The following GABRB1 variants were observed in gnomAD, a reference collection of about 807,000 sequenced individuals.
The protein encoded by GABRB1 is gamma-aminobutyric acid receptor subunit beta-1.
GABRB1 carries 17 observed loss-of-function variants against 51.6 expected under a neutral mutation model. The ratio of observed to expected loss-of-function variants is 0.33; its 90% confidence interval spans 0.23 to 0.49. GABRB1 has a LOEUF of 0.49. Ranked by LOEUF, GABRB1 falls within the 20% of genes least tolerant of loss-of-function variation. GABRB1 has a pLI of 0.99. For synonymous variants in GABRB1, 247 were observed against 218.9 expected (o/e 1.13, Z -1.14); for missense variants, 410 against 600.6 (o/e 0.68, Z 3.32).
chr4:47,220,470 C>G (rs1407057779), intron 4 of GABRB1, among the ~76,000 whole-genome samples: 1 of 151,984 alleles, frequency 6.6e-6, no homozygotes, highest in Non-Finnish European at 1.5e-5. Context: ...ATAACTGTCT[C>G]TCTACAAATG....
At chr4:47,017,169 A>G (rs550042219) in intron 1 of GABRB1, among the ~76,000 whole-genome samples, 2 of 152,302 alleles carry the variant, frequency 1.3e-5, no homozygotes, top group South Asian at 2.1e-4. Flanking sequence ...GGCCTTCTCC[A>G]TGTTTTATAG....
chr4:47,092,456 A>G (rs915120499), intron 3 of GABRB1, among the ~76,000 whole-genome samples: 1 of 151,904 alleles, frequency 6.6e-6, no homozygotes, highest in African/African-American at 2.4e-5. Flanking sequence ...TACAGGCATC[A>G]GCCACTGCAC....
chr4:47,220,128 G>T (rs970238969), intron 4 of GABRB1, among the ~76,000 whole-genome samples: 1 of 151,772 alleles, frequency 6.6e-6, no homozygotes, highest in Non-Finnish European at 1.5e-5. Context: ...ACTTCAACTG[G>T]TTACCTTCTT....
chr4:47,241,814 T>A (rs1046312305), intron 4 of GABRB1, among the ~76,000 whole-genome samples: 3 of 152,200 alleles, frequency 2.0e-5, no homozygotes, highest in African/African-American at 7.2e-5. Context: ...GAATTTTAAA[T>A]CTAATATTCT....
At chr4:47,348,536 T>C (rs4399959) in intron 5 of GABRB1, among the ~76,000 whole-genome samples, 150,501 of 152,298 alleles carry the variant, frequency 0.99, 74,369 homozygotes, top group East Asian at 1. Context: ...AGGCTTGGGT[T>C]CCCTCCCCTA....
At chr4:47,387,391 G>T (rs1462782394) in intron 5 of GABRB1, among the ~76,000 whole-genome samples, 1 of 152,136 alleles carries the variant, frequency 6.6e-6, no homozygotes, top group Non-Finnish European at 1.5e-5. Flanking sequence ...AGAATCACTT[G>T]AACCTGGGAG....
chr4:47,203,421 T>G (rs550518703), intron 4 of GABRB1, among the ~76,000 whole-genome samples: 227 of 152,224 alleles, frequency 1.5e-3, no homozygotes, highest in Non-Finnish European at 2.4e-3. Flanking sequence ...ATTTCCCTTA[T>G]GTCAGGCAGA....
intron 5 of GABRB1, among the ~76,000 whole-genome samples, chr4:47,366,289 G>A (rs1018385449): frequency 7.9e-5 from 12 of 152,082 alleles, no homozygotes; most frequent in Admixed American, 7.9e-4. Flanking sequence ...AATCTCTGCC[G>A]GAAAATGTAT....
At chr4:47,040,059 A>T (rs1213345810) in intron 3 of GABRB1, among the ~76,000 whole-genome samples, 1 of 152,206 alleles carries the variant, frequency 6.6e-6, no homozygotes, top group African/African-American at 2.4e-5. Context: ...TGTCTTTTAT[A>T]TACCCCTTTG....
intron 4 of GABRB1, among the ~76,000 whole-genome samples, chr4:47,169,559 T>A (rs1032152734): frequency 6.6e-6 from 1 of 151,958 alleles, no homozygotes; most frequent in Non-Finnish European, 1.5e-5. Flanking sequence ...TGGAGTGCAA[T>A]GGCACAATCT....
At position 47,183,021 on chromosome 4, in the gene GABRB1, G is replaced by T. The variant is rs139117808; in HGVS notation, c.461+21552G>T. ...GATTTCTTGTGTATTTATTATTCTT[G>T]CAAGTAGACCAATGTTACTGTTACT... is the stretch of plus-strand genomic sequence containing the variant. On this transcript the variant is annotated intron_variant, in intron 4 of 8. Coordinates refer to ENST00000295454, the MANE Select transcript of GABRB1 (RefSeq NM_000812.4). Among the ~76,000 whole-genome samples, 7 of 151,842 alleles carry T rather than the reference G, an allele frequency of 4.6e-5. No homozygotes were observed. The East Asian group carries it at 1.2e-3, about 25-fold the overall frequency.
chr4:47,327,650 G>A (rs891107035), intron 5 of GABRB1, among the ~76,000 whole-genome samples: 12 of 152,100 alleles, frequency 7.9e-5, no homozygotes, highest in African/African-American at 2.2e-4. Context: ...AGTCCTTGTC[G>A]TATGTATTTA....
chr4:47,332,360 A>G (rs560821314), intron 5 of GABRB1, among the ~76,000 whole-genome samples: 2 of 152,210 alleles, frequency 1.3e-5, no homozygotes, highest in Non-Finnish European at 2.9e-5. Context: ...AACAGGCACT[A>G]TATTCAAAGT....
intron 4 of GABRB1, among the ~76,000 whole-genome samples, chr4:47,239,711 C>G (rs920725275): frequency 6.6e-6 from 1 of 152,208 alleles, no homozygotes; most frequent in Non-Finnish European, 1.5e-5. Flanking sequence ...AGTCAACCCT[C>G]TCCTCAGAAG....
intron 4 of GABRB1, among the ~76,000 whole-genome samples, chr4:47,260,818 G>A (rs1028378832): frequency 1.6e-4 from 25 of 152,160 alleles, no homozygotes; most frequent in African/African-American, 3.9e-4. Context: ...CTGGCAAACC[G>A]AATCCAGCAG....
At chr4:47,192,035 G>A (rs926626195) in intron 4 of GABRB1, among the ~76,000 whole-genome samples, 2 of 151,860 alleles carry the variant, frequency 1.3e-5, no homozygotes, top group East Asian at 1.9e-4. Context: ...CAATTACCAA[G>A]CTATAATTCA....
chr4:47,076,986 G>A (rs1250259648), intron 3 of GABRB1, among the ~76,000 whole-genome samples: 1 of 152,198 alleles, frequency 6.6e-6, no homozygotes, highest in Non-Finnish European at 1.5e-5. Context: ...TCATAGGCTA[G>A]GCTATAAAAT....
chr4:47,044,806 T>C (rs1726014551), intron 3 of GABRB1, among the ~76,000 whole-genome samples: 1 of 151,874 alleles, frequency 6.6e-6, no homozygotes, highest in South Asian at 2.1e-4. Context: ...TTCATATTAT[T>C]TTTAATTGTG....
intron 4 of GABRB1, among the ~76,000 whole-genome samples, chr4:47,264,388 C>G (rs1722567330): frequency 6.6e-6 from 1 of 152,164 alleles, no homozygotes; most frequent in Non-Finnish European, 1.5e-5. Flanking sequence ...TGGTGAAGCA[C>G]CAAAGAGAAA....
Sources: gnomAD v4.1 joint callset for allele counts (sites outside exome capture counted in the v4.1 genomes callset) on GRCh38, gnomAD v4.1.1 for gene constraint, MANE v1.5 for transcripts, NCBI Gene and HGNC (gene_info 2026-07-23, HGNC 2026-07-21) for gene names.